Variants in MINDY3 observed in about 807,000 individuals in gnomAD.
The protein encoded by MINDY3 is MINDY lysine 48 deubiquitinase 3.
Under a neutral mutation model 69.2 loss-of-function variants are expected in MINDY3, and 38 were observed. The observed-to-expected ratio is 0.55, with a 90% CI of 0.42 to 0.72. The LOEUF is 0.72. MINDY3 is among the 30% of genes least tolerant of loss of function. MINDY3 has a pLI of 0.00. For synonymous variants in MINDY3, 192 were observed against 180.1 expected (o/e 1.07, Z -0.53); for missense variants, 522 against 519.0 (o/e 1.01, Z -0.06).
rs566081965 is a variant in MINDY3 at position 15,816,379 on chromosome 10, G to C, written c.882+456C>G. Among the ~76,000 whole-genome samples, 74 of 151,648 alleles carry C rather than the reference G, an allele frequency of 4.9e-4. No individual in the cohort carries two copies. The South Asian group carries it at 0.015, about 31-fold the overall frequency. On this transcript the variant is annotated intron_variant, in intron 10 of 14. Coordinates refer to ENST00000277632, the MANE Select transcript of MINDY3 (RefSeq NM_024948.4). ...CAGGTATATATTAAAATTGTGGGAA[G>C]TATTCCATCTTAAAAGAGCATTTGA... is the stretch of plus-strand genomic sequence containing the variant.
chr10:15,860,129 A>G (rs1834991538), intron 1 of MINDY3, 77 bp downstream of exon 1: 3 of 1,089,334 alleles, frequency 2.8e-6, no homozygotes, highest in South Asian at 1.3e-5. Flanking sequence ...GAGGGGCTGG[A>G]GCGAGAGGCG....
chr10:15,846,500 C>T (rs1486088481), intron 2 of MINDY3, among the ~76,000 whole-genome samples: 1 of 151,920 alleles, frequency 6.6e-6, no homozygotes, highest in East Asian at 1.9e-4. Flanking sequence ...AATTCCAAGG[C>T]AAGATTCAGA....
intron 10 of MINDY3, among the ~76,000 whole-genome samples, chr10:15,801,136 C>T (rs1404414882): frequency 6.6e-6 from 1 of 152,092 alleles, no homozygotes; most frequent in Non-Finnish European, 1.5e-5. Context: ...AGAATATCTG[C>T]CTGAACAGGT....
chr10:15,796,805 T>C (rs1837874472), intron 10 of MINDY3, among the ~76,000 whole-genome samples: 1 of 152,026 alleles, frequency 6.6e-6, no homozygotes, highest in Non-Finnish European at 1.5e-5. Flanking sequence ...ACAGAAAACA[T>C]TTATCAGGAT....
At chr10:15,848,283 T>A (rs1245210730) in intron 1 of MINDY3, among the ~76,000 whole-genome samples, 1 of 152,184 alleles carries the variant, frequency 6.6e-6, no homozygotes, top group Non-Finnish European at 1.5e-5. Flanking sequence ...TTAGAACTCT[T>A]TAAATACCAT....
At chr10:15,858,115 A>C (rs114041185) in intron 1 of MINDY3, 4,652 of 160,616 alleles carry the variant, frequency 0.029, 219 homozygotes, top group African/African-American at 0.1. Context: ...TTAACATATC[A>C]AAACCAGTAA....
chr10:15,787,770 C>T (rs116483010), intron 12 of MINDY3, among the ~76,000 whole-genome samples: 2 of 152,054 alleles, frequency 1.3e-5, no homozygotes, highest in Admixed American at 1.3e-4. Flanking sequence ...GTATACTGTA[C>T]AAAGGATATG....
At chr10:15,788,116 G>T (rs1334368291) in intron 12 of MINDY3, among the ~76,000 whole-genome samples, 2 of 151,900 alleles carry the variant, frequency 1.3e-5, no homozygotes, top group Admixed American at 6.6e-5. Flanking sequence ...GTCTTAGGCT[G>T]GTCAGTAACA....
chr10:15,848,989 G>C (rs1834073038), intron 1 of MINDY3, among the ~76,000 whole-genome samples: 1 of 152,184 alleles, frequency 6.6e-6, no homozygotes, highest in African/African-American at 2.4e-5. Flanking sequence ...CAATCATCTA[G>C]GATATATGCC....
chr10:15,819,368 T>C (rs1471859178), intron 9 of MINDY3, among the ~76,000 whole-genome samples: 2 of 152,218 alleles, frequency 1.3e-5, no homozygotes, highest in African/African-American at 2.4e-5. Flanking sequence ...AAATGCTGTC[T>C]TGACTCACTT....
chr10:15,836,756 G>A (rs751696763), intron 6 of MINDY3, among the ~76,000 whole-genome samples: 21 of 150,370 alleles, frequency 1.4e-4, no homozygotes, highest in Non-Finnish European at 2.8e-4. Context: ...AGAGAAAAGA[G>A]CAGGAGGTAA....
intron 10 of MINDY3, among the ~76,000 whole-genome samples, chr10:15,801,805 T>C (rs1326800373): frequency 6.6e-6 from 1 of 151,944 alleles, no homozygotes; most frequent in Non-Finnish European, 1.5e-5. Context: ...TGTCCAGATA[T>C]TGTGCATGAG....
intron 10 of MINDY3, among the ~76,000 whole-genome samples, chr10:15,813,028 T>C (rs1339615642): frequency 6.6e-6 from 1 of 152,148 alleles, no homozygotes; most frequent in African/African-American, 2.4e-5. Context: ...GAAGTCTTTT[T>C]TACCTATTCC....
Position 15,778,997 on chromosome 10 carries a change from T to C in MINDY3, c.1333A>G (p.Asn445Asp). The change falls in exon 15 of 15, where the codon AAT becomes GAT. Residue 445 changes from asparagine to aspartate, a missense_variant. By Grantham distance (23) the Asn-to-Asp change is conservative. Coordinates refer to ENST00000277632, the MANE Select transcript of MINDY3 (RefSeq NM_024948.4). ...CTTATAAATACTTAGACAAATTAATTTAGTGAAGGAGAGCGATCTGTGGTC... is the reference window on the plus strand; with the variant it reads ...CTTATAAATACTTAGACAAATTAATCTAGTGAAGGAGAGCGATCTGTGGTC... ...LWTTDRSPSL[N>D] The C allele has an allele frequency of 1.2e-6, 2 of 1,612,460 alleles. No homozygotes were observed. The highest frequency in any genetic ancestry group is 4.5e-5 in the East Asian group (2 of 44,806).
Position 15,860,321 on chromosome 10 carries a change from T to A in MINDY3, c.-22A>T, listed in dbSNP as rs1280568380. 1.2e-5 allele frequency: 19 copies of A among 1,561,596 alleles called. No homozygotes were observed. The highest frequency in any genetic ancestry group is 1.6e-5 in the Non-Finnish European group (18 of 1,146,930). ...ACATGATGAGGAACCGGCGGGCGGA[T>A]CTTCGCTTTGCGGACTCCTGCCCCG... On this transcript the variant is annotated 5_prime_UTR_variant, in exon 1 of 15. Transcript: ENST00000277632.
chr10:15,831,313 A>C (rs772196885), intron 8 of MINDY3, among the ~76,000 whole-genome samples: 1 of 152,194 alleles, frequency 6.6e-6, no homozygotes, highest in African/African-American at 2.4e-5. Context: ...GTGGGAGGGA[A>C]AATGTGTACT....
At chr10:15,818,943 G>A (rs542065852) in intron 9 of MINDY3, among the ~76,000 whole-genome samples, 1 of 152,204 alleles carries the variant, frequency 6.6e-6, no homozygotes, top group African/African-American at 2.4e-5. Context: ...ATATTAAAAA[G>A]CCCTGAATTG....
At chr10:15,783,483 C>T (rs575069546) in intron 13 of MINDY3, among the ~76,000 whole-genome samples, 1 of 151,816 alleles carries the variant, frequency 6.6e-6, no homozygotes, top group African/African-American at 2.4e-5. Flanking sequence ...TCTAAAATGC[C>T]CTCCTCTCCT....
intron 11 of MINDY3, among the ~76,000 whole-genome samples, chr10:15,793,646 T>A (rs1192909370): frequency 1.3e-5 from 2 of 152,248 alleles, no homozygotes; most frequent in East Asian, 3.9e-4. Flanking sequence ...GAAAGATTGC[T>A]GAAACACTTA....
Sources: gnomAD v4.1 joint callset for allele counts (sites outside exome capture counted in the v4.1 genomes callset) on GRCh38, gnomAD v4.1.1 for gene constraint, MANE v1.5 for transcripts, NCBI Gene and HGNC (gene_info 2026-07-23, HGNC 2026-07-21) for gene names.